GLI3: variants seen among roughly 807,000 people sequenced by gnomAD.
GLI3 encodes GLI family zinc finger 3.
Under a neutral mutation model 100.8 loss-of-function variants are expected in GLI3, and 20 were observed. The observed-to-expected ratio is 0.20, with a 90% CI of 0.14 to 0.29. The LOEUF is 0.29. GLI3 is among the 10% of genes least tolerant of loss of function. The probability of loss-of-function intolerance (pLI) is 1.00; values close to 1 mark genes in which losing one functional copy is unlikely to be tolerated. For synonymous variants in GLI3, 938 were observed against 860.5 expected (o/e 1.09, Z -1.58); for missense variants, 2,040 against 2,128.5 (o/e 0.96, Z 0.82).
intron 2 of GLI3, among the ~76,000 whole-genome samples, chr7:42,189,468 A>G (rs1016536923): frequency 5.2e-5 from 8 of 152,384 alleles, no homozygotes; most frequent in Non-Finnish European, 1.0e-4. Flanking sequence ...TCATACCCTT[A>G]TAAAAGCAAG....
At chr7:42,086,884 C>T (rs1276065411) in intron 3 of GLI3, among the ~76,000 whole-genome samples, 1 of 152,202 alleles carries the variant, frequency 6.6e-6, no homozygotes, top group Non-Finnish European at 1.5e-5. Flanking sequence ...GACAAGCACA[C>T]ATTTACTGAA....
intron 2 of GLI3, among the ~76,000 whole-genome samples, chr7:42,196,148 C>T (rs528879269): frequency 3.0e-4 from 46 of 152,324 alleles, no homozygotes; most frequent in Admixed American, 9.8e-4. Flanking sequence ...AATGCTGGCT[C>T]TCTTCATTTA....
rs768735366 is a variant in GLI3, at chr7:41,964,777, C to T, written c.4296G>A (p.Leu1432=). ...CAGAGTAATTCTGCAGATTAGAGCA[C>T]AGCGGATGGGGCTGCCCTTTCATCT... ...KMEMKGQPHP[L]CSNLQNYSGQ... is the part of the protein sequence containing the mutation. Residue 1432 remains leucine, a synonymous_variant, in exon 15 of 15, where the codon CTG becomes CTA. Coordinates refer to ENST00000395925, the MANE Select transcript of GLI3 (RefSeq NM_000168.6). 7.4e-6 allele frequency: 12 copies of T among 1,613,966 alleles called. No individual in the cohort carries two copies. The highest frequency in any genetic ancestry group is 2.2e-5 in the South Asian group (2 of 91,084).
At chr7:42,120,675 T>C (rs1316134214) in intron 3 of GLI3, among the ~76,000 whole-genome samples, 1 of 152,204 alleles carries the variant, frequency 6.6e-6, no homozygotes, top group Non-Finnish European at 1.5e-5. Flanking sequence ...TCAAAGAATA[T>C]AAGGAAGAAG....
chr7:42,122,198 TG>T (rs148505873), intron 3 of GLI3, among the ~76,000 whole-genome samples: 13,667 of 148,644 alleles, frequency 0.092, 656 homozygotes, highest in African/African-American at 0.12. Flanking sequence ...TATTAATATA[TG>T]TCATATATTA....
intron 1 of GLI3, among the ~76,000 whole-genome samples, chr7:42,243,073 G>T (rs1788941083): frequency 6.6e-6 from 1 of 152,138 alleles, no homozygotes; most frequent in African/African-American, 2.4e-5. Context: ...CAGGAAAAAT[G>T]ATCACCTTCC....
At chr7:41,980,550 A>T (rs1346440016) in intron 10 of GLI3, among the ~76,000 whole-genome samples, 3 of 152,196 alleles carry the variant, frequency 2.0e-5, no homozygotes, top group Admixed American at 1.3e-4. Context: ...AGTCATTGGA[A>T]ATAAAGCTTG....
chr7:42,209,940 G>T (rs952736216), intron 2 of GLI3, among the ~76,000 whole-genome samples: 4 of 120,276 alleles, frequency 3.3e-5, no homozygotes, highest in Non-Finnish European at 6.4e-5. Flanking sequence ...TCCCTGTAAA[G>T]GAGAGCCTCT....
intron 4 of GLI3, among the ~76,000 whole-genome samples, chr7:42,069,010 A>T (rs1784731259): frequency 6.6e-6 from 1 of 152,178 alleles, no homozygotes; most frequent in African/African-American, 2.4e-5. Flanking sequence ...CAAAGAAAAA[A>T]GTCTGTTACA....
chr7:42,006,293 T>A (rs997080771), intron 10 of GLI3, among the ~76,000 whole-genome samples: 13 of 152,228 alleles, frequency 8.5e-5, no homozygotes, highest in East Asian at 1.9e-4. Context: ...CAGATCTCTG[T>A]ATGCACAGGA....
At chr7:42,244,228 C>T (rs764124380) in intron 1 of GLI3, among the ~76,000 whole-genome samples, 1 of 152,148 alleles carries the variant, frequency 6.6e-6, no homozygotes, top group East Asian at 1.9e-4. Flanking sequence ...TCCAATTTCT[C>T]CCCCAAGAGA....
chr7:42,135,615 T>C (rs1786409092), intron 3 of GLI3, among the ~76,000 whole-genome samples: 1 of 152,240 alleles, frequency 6.6e-6, no homozygotes, highest in African/African-American at 2.4e-5. Flanking sequence ...GTGTCAGTCT[T>C]GGCCTTCCTT....
intron 2 of GLI3, among the ~76,000 whole-genome samples, chr7:42,150,689 G>A (rs968828917): frequency 2.6e-5 from 4 of 152,174 alleles, no homozygotes; most frequent in Admixed American, 6.5e-5. Flanking sequence ...CCTGTTCCAG[G>A]TTTAAAACAG....
chr7:41,997,388 T>G (rs896756736), intron 10 of GLI3, among the ~76,000 whole-genome samples: 2 of 152,168 alleles, frequency 1.3e-5, no homozygotes, highest in African/African-American at 4.8e-5. Context: ...ACACTAGGCA[T>G]GGCTGGGACC....
At chr7:41,973,329 G>A (rs994070819) in intron 12 of GLI3, among the ~76,000 whole-genome samples, 3 of 152,156 alleles carry the variant, frequency 2.0e-5, no homozygotes, top group African/African-American at 7.2e-5. Context: ...GAGGGCTGAC[G>A]GATGTTCTGG....
intron 3 of GLI3, among the ~76,000 whole-genome samples, chr7:42,140,913 G>A (rs1033286840): frequency 1.3e-5 from 2 of 152,126 alleles, no homozygotes; most frequent in Admixed American, 1.3e-4. Context: ...TGTTTCTCAT[G>A]CTTTACTCTA....
intron 7 of GLI3, among the ~76,000 whole-genome samples, chr7:42,028,489 C>T (rs1789187211): frequency 2.0e-5 from 3 of 152,126 alleles, no homozygotes; most frequent in South Asian, 2.1e-4. Flanking sequence ...GGAGGCCGGG[C>T]GCGGTGGCTC....
In GLI3 at chr7:41,964,772, G is replaced by T. The variant is rs775718988; in HGVS notation, c.4301C>A (p.Ser1434Tyr). 4.3e-6 allele frequency: 7 copies of T among 1,613,834 alleles called. No homozygotes were observed. The highest frequency in any genetic ancestry group is 5.1e-6 in the Non-Finnish European group (6 of 1,179,844). The change falls in exon 15 of 15, where the codon TCT becomes TAT. Residue 1434 changes from serine (S) to tyrosine (Y), a missense_variant. Ser to Tyr is a moderately radical substitution (Grantham distance 144). Transcript: ENST00000395925. The stretch of plus-strand genomic sequence containing the variant: ...CTGACCAGAGTAATTCTGCAGATTA[G>T]AGCACAGCGGATGGGGCTGCCCTTT... ...EMKGQPHPLCSNLQNYSGQFY... is the reference protein window; with the variant it reads ...EMKGQPHPLCYNLQNYSGQFY...
chr7:42,229,773 ATTT>A (rs142246595), intron 1 of GLI3, among the ~76,000 whole-genome samples: 1 of 151,604 alleles, frequency 6.6e-6, no homozygotes, highest in Non-Finnish European at 1.5e-5. Context: ...TAGAAAGAGA[ATTT>A]TTTTTTCAGA....
Sources: allele counts gnomAD v4.1 joint callset (sites outside exome capture counted in the v4.1 genomes callset), GRCh38; gene constraint gnomAD v4.1.1; transcripts MANE v1.5; gene names NCBI Gene and HGNC (gene_info 2026-07-23, HGNC 2026-07-21).